AKR1C8: variants seen among roughly 807,000 people sequenced by gnomAD.
AKR1C8 encodes the protein aldo-keto reductase family 1 member C-like protein 1.
the AKR1C8 span, among the ~76,000 whole-genome samples, chr10:5,171,468 A>G: frequency 6.6e-6 from 1 of 152,110 alleles, no homozygotes; most frequent in Non-Finnish European, 1.5e-5. Flanking sequence ...TATAGCCCAA[A>G]GAAAGCTAAA....
the AKR1C8 span, among the ~76,000 whole-genome samples, chr10:5,150,888 G>A: frequency 6.6e-6 from 1 of 152,166 alleles, no homozygotes; most frequent in East Asian, 1.9e-4. Context: ...CAGGGGAATT[G>A]CAATAGAGAA....
the AKR1C8 span, among the ~76,000 whole-genome samples, chr10:5,117,531 G>A: frequency 2.6e-5 from 4 of 152,136 alleles, no homozygotes; most frequent in Non-Finnish European, 4.4e-5. Flanking sequence ...GGACATGCTG[G>A]TTCTAGGTGT....
At chr10:5,155,613 T>C in the AKR1C8 span, 1 of 395,172 alleles carries the variant, frequency 2.5e-6, no homozygotes. Context: ...GGAAGATGTG[T>C]TCCCCATTTC....
the AKR1C8 span, among the ~76,000 whole-genome samples, chr10:5,147,830 T>TG: frequency 6.6e-6 from 1 of 152,206 alleles, no homozygotes; most frequent in Non-Finnish European, 1.5e-5. Flanking sequence ...TTCTGGGATC[T>TG]GGACGGCTGT....
the AKR1C8 span, among the ~76,000 whole-genome samples, chr10:5,125,379 G>T: frequency 6.6e-6 from 1 of 152,070 alleles, no homozygotes; most frequent in Non-Finnish European, 1.5e-5. Flanking sequence ...AGCTTTGAAA[G>T]CTACCCACCC....
the AKR1C8 span, among the ~76,000 whole-genome samples, chr10:5,127,459 C>T: frequency 6.6e-6 from 1 of 152,190 alleles, no homozygotes; most frequent in East Asian, 1.9e-4. Flanking sequence ...TGGCTCACAC[C>T]TGTAATCCCA....
the AKR1C8 span, among the ~76,000 whole-genome samples, chr10:5,119,616 TTTG>T: frequency 3.1e-4 from 47 of 152,310 alleles, no homozygotes; most frequent in South Asian, 2.3e-3. Context: ...TATTCAAATC[TTTG>T]TTATTTCATA....
chr10:5,177,341 G>C, the AKR1C8 span, among the ~76,000 whole-genome samples: 1 of 152,098 alleles, frequency 6.6e-6, no homozygotes, highest in African/African-American at 2.4e-5. Context: ...CTTGATCATG[G>C]TGGGATAAGC....
the AKR1C8 span, among the ~76,000 whole-genome samples, chr10:5,183,270 T>C: frequency 2.0e-5 from 3 of 152,180 alleles, no homozygotes; most frequent in Admixed American, 1.3e-4. Flanking sequence ...GTCATAGGAA[T>C]ATATAGAATA....
chr10:5,139,984 A>T, the AKR1C8 span, among the ~76,000 whole-genome samples: 1 of 152,222 alleles, frequency 6.6e-6, no homozygotes, highest in South Asian at 2.1e-4. Flanking sequence ...AAAGTGGGCA[A>T]AGGACATGAA....
At chr10:5,126,978 G>T in the AKR1C8 span, among the ~76,000 whole-genome samples, 1 of 151,586 alleles carries the variant, frequency 6.6e-6, no homozygotes, top group African/African-American at 2.4e-5. Flanking sequence ...AGTAGAAGAA[G>T]TAGTCTATCA....
At chr10:5,129,467 A>G in the AKR1C8 span, among the ~76,000 whole-genome samples, 1,274 of 152,158 alleles carry the variant, frequency 8.4e-3, 16 homozygotes, top group African/African-American at 0.029. Flanking sequence ...CCCACAAAAG[A>G]TCAATGAAAG....
chr10:5,182,207 A>G, the AKR1C8 span, among the ~76,000 whole-genome samples: 1 of 152,338 alleles, frequency 6.6e-6, no homozygotes, highest in African/African-American at 2.4e-5. Context: ...GACTTATAAC[A>G]ATATAATTGC....
At chr10:5,175,899 T>G in the AKR1C8 span, among the ~76,000 whole-genome samples, 1 of 152,224 alleles carries the variant, frequency 6.6e-6, no homozygotes, top group Non-Finnish European at 1.5e-5. Context: ...ATGAGTAGGT[T>G]GCGAAAATTT....
At chr10:5,129,831 C>T in the AKR1C8 span, among the ~76,000 whole-genome samples, 1 of 151,902 alleles carries the variant, frequency 6.6e-6, no homozygotes, top group Non-Finnish European at 1.5e-5. Flanking sequence ...CAGAATTCTA[C>T]TTGACATTCA....
the AKR1C8 span, among the ~76,000 whole-genome samples, chr10:5,143,823 G>A: frequency 4.0e-5 from 6 of 150,762 alleles, no homozygotes; most frequent in Admixed American, 2.6e-4. Context: ...GTGGTTCTAG[G>A]GGAACAGAAT....
At chr10:5,124,305 T>C in the AKR1C8 span, among the ~76,000 whole-genome samples, 1 of 152,138 alleles carries the variant, frequency 6.6e-6, no homozygotes, top group South Asian at 2.1e-4. Context: ...AAACAATTCA[T>C]GGGTTCATAG....
the AKR1C8 span, among the ~76,000 whole-genome samples, chr10:5,156,525 G>GATCTATCTATCTATCTATCTATCTATCT: frequency 8.2e-4 from 115 of 141,040 alleles, no homozygotes; most frequent in Non-Finnish European, 1.3e-3. Context: ...GAAAGACTCA[G>GATCTATCTATCTATCTATCTATCTATCT]ATCTATCTAT....
the AKR1C8 span, among the ~76,000 whole-genome samples, chr10:5,124,026 C>A: frequency 6.6e-6 from 1 of 152,100 alleles, no homozygotes. Context: ...AATGTCATTT[C>A]TGAGCACAAG....
Sources: gnomAD v4.1 joint callset for allele counts (sites outside exome capture counted in the v4.1 genomes callset) on GRCh38, gnomAD v4.1.1 for gene constraint, MANE v1.5 for transcripts, NCBI Gene and HGNC (gene_info 2026-07-23, HGNC 2026-07-21) for gene names.